Variants in BDKRB2 observed in about 807,000 individuals in gnomAD.
BDKRB2 encodes the protein B2 bradykinin receptor.
Under a neutral mutation model 4.0 loss-of-function variants are expected in BDKRB2, and 6 were observed. The observed-to-expected ratio is 1.49, with a 90% CI of 0.81 to 2.93. BDKRB2 has a LOEUF of 2.93. BDKRB2 is among the 30% of genes most tolerant of loss of function. The probability of loss-of-function intolerance (pLI) is 0.00; values close to 1 mark genes in which losing one functional copy is unlikely to be tolerated. For missense variants in BDKRB2, 478 were observed against 520.1 expected (o/e 0.92, Z 0.79); for synonymous variants, 225 against 215.3 (o/e 1.05, Z -0.40).
At chr14:96,224,948 G>A (rs1201845693) in intron 1 of BDKRB2, among the ~76,000 whole-genome samples, 1 of 152,192 alleles carries the variant, frequency 6.6e-6, no homozygotes, top group African/African-American at 2.4e-5. Flanking sequence ...GACAGGTCAG[G>A]GCCAGGACCC....
chr14:96,217,691 T>G (rs1363921194), intron 1 of BDKRB2, among the ~76,000 whole-genome samples: 1 of 152,152 alleles, frequency 6.6e-6, no homozygotes, highest in Non-Finnish European at 1.5e-5. Context: ...TGTTGTCACC[T>G]CCTCACTCTC....
chr14:96,210,252 A>T (rs1890275034), intron 1 of BDKRB2, among the ~76,000 whole-genome samples: 1 of 152,244 alleles, frequency 6.6e-6, no homozygotes, highest in African/African-American at 2.4e-5. Context: ...CCATTTAGAC[A>T]CAAAACGGGA....
intron 1 of BDKRB2, among the ~76,000 whole-genome samples, chr14:96,220,611 C>T (rs1890536128): frequency 6.6e-6 from 1 of 150,744 alleles, no homozygotes; most frequent in Non-Finnish European, 1.5e-5. Flanking sequence ...CCTCCTCTGC[C>T]CCTCCCTCCC....
chr14:96,204,873 T>C lies in BDKRB2; in HGVS notation c.-126T>C. ...CTGGCTTCTGGGCTCCGAGGAGGGG[T>C]GGGGACGGTGGGGACGGTGGGGACA... On this transcript the variant is annotated 5_prime_UTR_variant, in exon 1 of 3. Coordinates refer to ENST00000554311, the MANE Select transcript of BDKRB2 (RefSeq NM_001379692.1). 1.2e-5 allele frequency: 1 copy of C among 84,286 alleles called. No individual in the cohort carries two copies. 5.2% of individuals were successfully genotyped at this position (84,286 alleles called of 1,614,324 possible). A position where few individuals can be genotyped will look rare whatever the true frequency, so the allele number is the denominator to read the frequency against.
chr14:96,239,746 G>A (rs753523713), intron 2 of BDKRB2: 7 of 973,086 alleles, frequency 7.2e-6, no homozygotes, highest in South Asian at 4.8e-5. Context: ...AGCGTCACAC[G>A]GCTTATAAGT....
At chr14:96,236,482 C>T (rs1890936257) in intron 1 of BDKRB2, among the ~76,000 whole-genome samples, 1 of 152,204 alleles carries the variant, frequency 6.6e-6, no homozygotes, top group South Asian at 2.1e-4. Context: ...TGCCTCGCCC[C>T]TGTCCTCACC....
intron 1 of BDKRB2, among the ~76,000 whole-genome samples, chr14:96,216,791 G>C (rs1890437141): frequency 1.4e-5 from 2 of 142,192 alleles, no homozygotes; most frequent in Non-Finnish European, 3.1e-5. Flanking sequence ...AGGAGGAGGA[G>C]GAAGTAGGAG....
chr14:96,209,817 G>A (rs538340025), intron 1 of BDKRB2, among the ~76,000 whole-genome samples: 2 of 152,210 alleles, frequency 1.3e-5, no homozygotes, highest in African/African-American at 4.8e-5. Flanking sequence ...CCAACATGGT[G>A]AAACCCTGTC....
chr14:96,226,389 C>T (rs1595256523), intron 1 of BDKRB2, among the ~76,000 whole-genome samples: 1 of 152,206 alleles, frequency 6.6e-6, no homozygotes, highest in Non-Finnish European at 1.5e-5. Flanking sequence ...TGCGGTGACT[C>T]AAGCCTGTAA....
chr14:96,236,683 C>A (rs1236415612), intron 1 of BDKRB2, among the ~76,000 whole-genome samples: 1 of 152,184 alleles, frequency 6.6e-6, no homozygotes, highest in Admixed American at 6.5e-5. Flanking sequence ...ACACCAAGCG[C>A]CTTCCTGACT....
In BDKRB2 at chr14:96,241,214, C is replaced by G. The variant is rs1885280670; in HGVS notation, c.886C>G (p.His296Asp). Residue 296 changes from histidine to aspartate, a missense_variant, in exon 3 of 3, where the codon CAT becomes GAT. Transcript: ENST00000554311. Reference protein sequence around the residue: ...FQISTFLDTLHRLGILSSCQD... With the variant: ...FQISTFLDTLDRLGILSSCQD... ...GATCAGCACCTTCCTGGATACGCTG[C>G]ATCGCCTCGGCATCCTCTCCAGCTG... 9 of 1,609,170 alleles carry G rather than the reference C, an allele frequency of 5.6e-6. No homozygotes were observed. Among genetic ancestry groups the G allele is most frequent in the Non-Finnish European group, 7.6e-6 (9 of 1,176,752 alleles).
chr14:96,235,116 G>A (rs548909361), intron 1 of BDKRB2, among the ~76,000 whole-genome samples: 2 of 152,266 alleles, frequency 1.3e-5, no homozygotes, highest in South Asian at 4.1e-4. Context: ...GGGAGGCCGA[G>A]GCGGGTGGAT....
chr14:96,227,026 G>C (rs1260566166), intron 1 of BDKRB2, among the ~76,000 whole-genome samples: 1 of 152,176 alleles, frequency 6.6e-6, no homozygotes, highest in Admixed American at 6.5e-5. Context: ...ACTCCAGCAA[G>C]AGACAGGCAA....
chr14:96,213,495 A>ACAC (rs1890348769), intron 1 of BDKRB2, among the ~76,000 whole-genome samples: 5 of 146,668 alleles, frequency 3.4e-5, no homozygotes, highest in African/African-American at 5.1e-5. Flanking sequence ...GACCGACCCA[A>ACAC]ACACACACAC....
Position 96,242,097 on chromosome 14 carries a change from C to T in BDKRB2, c.*593C>T, listed in dbSNP as rs200905836. 6.6e-6 allele frequency: 1 copy of T among 152,604 alleles called. No homozygotes were observed. The highest frequency in any genetic ancestry group is 2.1e-4 in the South Asian group (1 of 4,834). The allele number at this position is 152,604 out of a possible 1,614,324, so 9.5% of individuals were successfully genotyped here. Reference sequence around the variant, plus strand: ...CTGTGCCAAAGAAGAATCCAATAAGCACATATTGAGCACTTGCTGTATATG... The same window carrying T: ...CTGTGCCAAAGAAGAATCCAATAAGTACATATTGAGCACTTGCTGTATATG... On this transcript the variant is annotated 3_prime_UTR_variant, in exon 3 of 3. Coordinates refer to ENST00000554311, the MANE Select transcript of BDKRB2 (RefSeq NM_001379692.1).
intron 1 of BDKRB2, among the ~76,000 whole-genome samples, chr14:96,236,347 A>G (rs1890933941): frequency 6.6e-6 from 1 of 152,080 alleles, no homozygotes; most frequent in Non-Finnish European, 1.5e-5. Context: ...ACCTGCCTGG[A>G]ATTCTCCAAA....
chr14:96,212,623 GTGGGTGGCGGCTCACT>G (rs1032855436), intron 1 of BDKRB2, among the ~76,000 whole-genome samples: 1 of 152,134 alleles, frequency 6.6e-6, no homozygotes, highest in Admixed American at 6.5e-5. Flanking sequence ...GCAGAGATCA[GTGGGTGGCGGCTCACT>G]TGGGTGGTAA....
In BDKRB2 at chr14:96,226,443, C is replaced by T. The variant is rs1397875469; in HGVS notation, c.-39-10626C>T. On this transcript the variant is annotated intron_variant, in intron 1 of 2. Coordinates refer to ENST00000554311, the MANE Select transcript of BDKRB2 (RefSeq NM_001379692.1). Reference sequence around the variant, plus strand: ...CTGAGGCGGGCGGATTACCTGAGGTCGGGAGTTCGAGACCAGCCTGACCAA... The same window carrying T: ...CTGAGGCGGGCGGATTACCTGAGGTTGGGAGTTCGAGACCAGCCTGACCAA... Among the ~76,000 whole-genome samples the T allele has an allele frequency of 3.3e-5, 5 of 152,002 alleles. 2 individuals are homozygous for T. In the East Asian group the frequency reaches 9.7e-4, roughly 29 times the overall value.
rs1885281375 is a variant in BDKRB2, at chr14:96,241,233, C to G, written c.905C>G (p.Ser302Cys). 6.2e-7 allele frequency: 1 copy of G among 1,612,590 alleles called. No homozygotes were observed. The highest frequency in any genetic ancestry group is 8.5e-7 in the Non-Finnish European group (1 of 1,178,974). Residue 302 changes from serine (S) to cysteine (C), a missense_variant, in exon 3 of 3, where the codon TCC becomes TGC. Physicochemically the swap from Ser to Cys is moderately radical, Grantham distance 112 (BLOSUM62 -1). Coordinates refer to ENST00000554311, the MANE Select transcript of BDKRB2 (RefSeq NM_001379692.1). ...LDTLHRLGIL[S>C]SCQDERIIDV... ...ACGCTGCATCGCCTCGGCATCCTCT[C>G]CAGCTGCCAGGACGAGCGCATCATC... is the stretch of plus-strand genomic sequence containing the variant.
Sources: allele counts gnomAD v4.1 joint callset (sites outside exome capture counted in the v4.1 genomes callset), GRCh38; gene constraint gnomAD v4.1.1; transcripts MANE v1.5; gene names NCBI Gene and HGNC (gene_info 2026-07-23, HGNC 2026-07-21).